Variants in CNTNAP2 observed in about 807,000 individuals in gnomAD.
CNTNAP2 encodes contactin-associated protein-like 2.
CNTNAP2 carries 98 observed loss-of-function variants against 155.2 expected under a neutral mutation model. The ratio of observed to expected loss-of-function variants is 0.63; its 90% CI spans 0.54 to 0.75. The LOEUF (loss-of-function observed/expected upper bound fraction) is 0.75. Among genes scored for constraint, CNTNAP2 ranks in the 30% least tolerant of loss-of-function variants. The pLI, the probability that CNTNAP2 is intolerant of heterozygous loss-of-function variation, is 0.00. For synonymous variants in CNTNAP2, 651 were observed against 631.2 expected (o/e 1.03, Z -0.47); for missense variants, 1,727 against 1,688.1 (o/e 1.02, Z -0.40).
intron 11 of CNTNAP2, among the ~76,000 whole-genome samples, chr7:147,508,753 T>A (rs979019376): frequency 6.6e-6 from 1 of 152,150 alleles, no homozygotes; most frequent in Non-Finnish European, 1.5e-5. Context: ...GATGATTTTT[T>A]AAAGGGCAGT....
rs150814124 is a variant in CNTNAP2 at position 147,255,079 on chromosome 7, T to C, written c.1349-45062T>C. On this transcript the variant is annotated intron_variant, in intron 8 of 23. Coordinates refer to ENST00000361727, the MANE Select transcript of CNTNAP2 (RefSeq NM_014141.6). Reference sequence around the variant, plus strand: ...CAAGAAGCAAAGTGTGCATAGATAATGATCCTCTGCCAAGTAAAATGAGTT... The same window carrying C: ...CAAGAAGCAAAGTGTGCATAGATAACGATCCTCTGCCAAGTAAAATGAGTT... Among the ~76,000 whole-genome samples the C allele has an allele frequency of 6.1e-4, 93 of 152,324 alleles. 1 individual carries two copies. The highest frequency in any genetic ancestry group is 2.2e-3 in the African/African-American group (91 of 41,584).
At chr7:146,904,417 T>C (rs1194468933) in intron 3 of CNTNAP2, among the ~76,000 whole-genome samples, 2 of 152,168 alleles carry the variant, frequency 1.3e-5, no homozygotes, top group Non-Finnish European at 2.9e-5. Context: ...TCTAGAACAA[T>C]GTCAGGTATT....
chr7:147,120,773 C>T (rs1801093231), intron 5 of CNTNAP2, among the ~76,000 whole-genome samples: 1 of 151,596 alleles, frequency 6.6e-6, no homozygotes, highest in Non-Finnish European at 1.5e-5. Flanking sequence ...CCAATGCTAT[C>T]CCTCCCCCCT....
At chr7:146,826,845 T>C (rs1373867802) in intron 2 of CNTNAP2, among the ~76,000 whole-genome samples, 1 of 139,698 alleles carries the variant, frequency 7.2e-6, no homozygotes, top group Admixed American at 6.9e-5. Context: ...TGTATATATA[T>C]ATATATATAT....
chr7:146,897,928 A>T (rs925501426), intron 3 of CNTNAP2, among the ~76,000 whole-genome samples: 1 of 151,962 alleles, frequency 6.6e-6, no homozygotes, highest in Non-Finnish European at 1.5e-5. Context: ...TTAATTAAGG[A>T]ATGTTTATAT....
chr7:147,609,436 C>T (rs1290658636), intron 12 of CNTNAP2, among the ~76,000 whole-genome samples: 6 of 151,986 alleles, frequency 3.9e-5, no homozygotes, highest in South Asian at 2.1e-4. Flanking sequence ...GAGGCTGAGG[C>T]GGGAGAATGG....
intron 13 of CNTNAP2, among the ~76,000 whole-genome samples, chr7:147,756,643 A>G (rs1797217134): frequency 6.6e-6 from 1 of 152,242 alleles, no homozygotes; most frequent in South Asian, 2.1e-4. Flanking sequence ...TTAAGAAAAA[A>G]ATACTACTTT....
chr7:147,764,031 C>A (rs1797347338), intron 13 of CNTNAP2, among the ~76,000 whole-genome samples: 1 of 152,142 alleles, frequency 6.6e-6, no homozygotes, highest in African/African-American at 2.4e-5. Flanking sequence ...TGGGTTCCAG[C>A]CTTTATTCTG....
chr7:147,583,280 T>G (rs1800545403), intron 12 of CNTNAP2, among the ~76,000 whole-genome samples: 1 of 151,938 alleles, frequency 6.6e-6, no homozygotes, highest in African/African-American at 2.4e-5. Context: ...AGAATCAGCA[T>G]GAAAGGAATT....
chr7:147,700,856 A>T (rs900924167), intron 13 of CNTNAP2, among the ~76,000 whole-genome samples: 3 of 152,056 alleles, frequency 2.0e-5, no homozygotes, highest in Non-Finnish European at 4.4e-5. Flanking sequence ...ATTACTCATC[A>T]TTTGGCCCGC....
At chr7:146,556,896 T>C (rs1448060853) in intron 1 of CNTNAP2, among the ~76,000 whole-genome samples, 1 of 152,030 alleles carries the variant, frequency 6.6e-6, no homozygotes, top group Non-Finnish European at 1.5e-5. Flanking sequence ...AAGAGAAATA[T>C]AGGAGCTTTA....
chr7:147,574,996 C>A (rs895165544), intron 12 of CNTNAP2, among the ~76,000 whole-genome samples: 3 of 152,024 alleles, frequency 2.0e-5, no homozygotes, highest in African/African-American at 7.2e-5. Flanking sequence ...TCCAGACTTT[C>A]AAGTTAAGAT....
chr7:147,880,653 G>A (rs1020187090), intron 13 of CNTNAP2, among the ~76,000 whole-genome samples: 1 of 152,026 alleles, frequency 6.6e-6, no homozygotes. Flanking sequence ...CAGAGAAGTA[G>A]GAGAAATCAG....
chr7:146,827,664 G>A (rs1803432714), intron 2 of CNTNAP2, among the ~76,000 whole-genome samples: 1 of 151,880 alleles, frequency 6.6e-6, no homozygotes, highest in African/African-American at 2.4e-5. Context: ...GCATGCCAGG[G>A]ATGAAAAAAT....
At chr7:146,155,544 G>A (rs1228989534) in intron 1 of CNTNAP2, among the ~76,000 whole-genome samples, 1 of 151,842 alleles carries the variant, frequency 6.6e-6, no homozygotes, top group African/African-American at 2.4e-5. Context: ...TAGAGGCTTG[G>A]GCACATTTGC....
chr7:146,519,736 C>T (rs549811219), intron 1 of CNTNAP2, among the ~76,000 whole-genome samples: 4 of 151,888 alleles, frequency 2.6e-5, no homozygotes, highest in East Asian at 1.9e-4. Flanking sequence ...GGATATTTAC[C>T]GCATCGTCTC....
At chr7:147,288,534 C>T (rs1290953371) in intron 8 of CNTNAP2, among the ~76,000 whole-genome samples, 3 of 152,142 alleles carry the variant, frequency 2.0e-5, no homozygotes, top group African/African-American at 7.2e-5. Flanking sequence ...GTCAAATCAC[C>T]CCAGTCATAA....
intron 9 of CNTNAP2, among the ~76,000 whole-genome samples, chr7:147,372,603 A>G (rs952503465): frequency 1.3e-5 from 2 of 152,150 alleles, no homozygotes; most frequent in African/African-American, 4.8e-5. Context: ...ATCATCATTT[A>G]TACATTATAA....
rs189793888 is a variant in CNTNAP2, at chr7:146,929,162, C to T, written c.402+89258C>T. ...AAGTGGGTCCCTGACCCCTGACCTC[C>T]GAGCAGCCTAACTGGGAGGCACCCC... On this transcript the variant is annotated intron_variant, in intron 3 of 23. Transcript: ENST00000361727. Among the ~76,000 whole-genome samples the T allele has an allele frequency of 4.8e-4, 73 of 152,304 alleles. No individual in the cohort carries two copies. The East Asian group carries it at 6.2e-3, about 13-fold the overall frequency.
Sources: gnomAD v4.1 joint callset for allele counts (sites outside exome capture counted in the v4.1 genomes callset) on GRCh38, gnomAD v4.1.1 for gene constraint, MANE v1.5 for transcripts, NCBI Gene and HGNC (gene_info 2026-07-23, HGNC 2026-07-21) for gene names.